Variants in LRCH3 observed in about 807,000 individuals in gnomAD.
LRCH3 encodes DISP complex protein LRCH3.
A neutral mutation model predicts 104.5 loss-of-function variants in LRCH3; 68 were observed. That is an observed-to-expected ratio of 0.65 (90% CI 0.54 to 0.80). The LOEUF is 0.80. Ranked by LOEUF, LRCH3 falls within the 30% of genes least tolerant of loss-of-function variation. The pLI, the probability that LRCH3 is intolerant of heterozygous loss-of-function variation, is 0.00. For synonymous variants in LRCH3, 344 were observed against 361.3 expected (o/e 0.95, Z 0.54); for missense variants, 951 against 953.9 (o/e 1.00, Z 0.04).
chr3:197,816,064 ATAATAT>A (rs1196051244), intron 2 of LRCH3, among the ~76,000 whole-genome samples: 2 of 152,172 alleles, frequency 1.3e-5, no homozygotes, highest in African/African-American at 4.8e-5. Flanking sequence ...CATGATAAAA[ATAATAT>A]TAGTAGAGAA....
chr3:197,868,632 G>C (rs905197796), intron 17 of LRCH3, among the ~76,000 whole-genome samples: 9 of 152,174 alleles, frequency 5.9e-5, no homozygotes, highest in African/African-American at 2.2e-4. Context: ...TGGTATATTT[G>C]TACAATGGAA....
At chr3:197,880,902 G>T (rs866867723) in intron 20 of LRCH3, 2 of 1,427,338 alleles carry the variant, frequency 1.4e-6, no homozygotes, top group Non-Finnish European at 1.8e-6. Context: ...AAACATTTAC[G>T]ATTGCTAACA....
chr3:197,863,295 C>G (rs1202622954), intron 15 of LRCH3, among the ~76,000 whole-genome samples: 1 of 152,144 alleles, frequency 6.6e-6, no homozygotes, highest in Non-Finnish European at 1.5e-5. Context: ...TGGAGTCTCA[C>G]TCTGTTGCCC....
At chr3:197,879,502 C>G (rs112960228) in intron 20 of LRCH3, among the ~76,000 whole-genome samples, 2 of 148,226 alleles carry the variant, frequency 1.3e-5, no homozygotes, top group East Asian at 3.9e-4. Context: ...AAAAATTAGC[C>G]GGGCGTGGTG....
chr3:197,880,212 T>C (rs1035514563), intron 20 of LRCH3, among the ~76,000 whole-genome samples: 6 of 152,146 alleles, frequency 3.9e-5, no homozygotes, highest in Admixed American at 2.6e-4. Flanking sequence ...CCCAAAGTGC[T>C]GGGATTACAG....
intron 9 of LRCH3, 88 bp from the exon 10 acceptor site, chr3:197,839,233 A>T: frequency 1.2e-6 from 1 of 835,914 alleles, no homozygotes; most frequent in Non-Finnish European, 1.8e-6. Flanking sequence ...GTAATATATA[A>T]ATTAAATGAC....
In LRCH3 at chr3:197,814,891, T is replaced by G. The variant is rs1169809135; in HGVS notation, c.263-17T>G. The G allele has an allele frequency of 1.9e-6, 3 of 1,572,074 alleles. No individual in the cohort carries two copies. Among genetic ancestry groups the G allele is most frequent in the Non-Finnish European group, 2.6e-6 (3 of 1,164,530 alleles). ...TTCCAAGGACTGATTTTAAACCTAA[T>G]TTAATTTTTCTTTTAGACCTGTCGC... On this transcript the variant is annotated splice_polypyrimidine_tract_variant and intron_variant, in intron 1 of 20. Coordinates refer to ENST00000425562, the MANE Select transcript of LRCH3 (RefSeq NM_001365715.1).
At chr3:197,835,319 G>A (rs1351545265) in intron 8 of LRCH3, among the ~76,000 whole-genome samples, 1 of 151,736 alleles carries the variant, frequency 6.6e-6, no homozygotes, top group African/African-American at 2.4e-5. Context: ...GAGTAGCTGG[G>A]ACTACAGGCG....
At chr3:197,871,604 A>G in intron 19 of LRCH3, 142 bp downstream of exon 19, 1 of 1,118,634 alleles carries the variant, frequency 8.9e-7, no homozygotes, top group Non-Finnish European at 1.3e-6. Context: ...TCTCACTTCT[A>G]CTCGAGAAGA....
chr3:197,800,458 A>G (rs950712820), intron 1 of LRCH3, among the ~76,000 whole-genome samples: 17 of 152,190 alleles, frequency 1.1e-4, no homozygotes, highest in Non-Finnish European at 2.4e-4. Flanking sequence ...TAATCAAGAG[A>G]TTGAAAAATA....
chr3:197,801,398 C>A (rs1022829613), intron 1 of LRCH3, among the ~76,000 whole-genome samples: 1 of 152,104 alleles, frequency 6.6e-6, no homozygotes, highest in Non-Finnish European at 1.5e-5. Context: ...GTTTCATGAC[C>A]TTGGTGGTGA....
At chr3:197,867,122 C>T (rs1049875958) in intron 17 of LRCH3, among the ~76,000 whole-genome samples, 1 of 152,064 alleles carries the variant, frequency 6.6e-6, no homozygotes, top group Admixed American at 6.5e-5. Context: ...TGAAAAAATA[C>T]AAAAATTAGC....
chr3:197,812,950 CA>C, intron 1 of LRCH3, among the ~76,000 whole-genome samples: 1 of 152,288 alleles, frequency 6.6e-6, no homozygotes, highest in South Asian at 2.1e-4. Context: ...GAGGAACTGC[CA>C]TATTCTTTTC....
chr3:197,882,945 G>A, intron 20 of LRCH3: 1 of 985,340 alleles, frequency 1.0e-6, no homozygotes. Flanking sequence ...GCCCTTCCAT[G>A]AATTATTCAA....
chr3:197,815,597 G>A (rs1400714001), intron 2 of LRCH3, among the ~76,000 whole-genome samples: 14 of 152,204 alleles, frequency 9.2e-5, no homozygotes, highest in Admixed American at 9.2e-4. Context: ...TGAGGAGCTT[G>A]CAGCAGTCTT....
chr3:197,870,242 A>G lies in LRCH3; in HGVS notation c.1956A>G (p.Arg652=), dbSNP rs1393384095. Reference sequence around the variant, plus strand: ...TAACAGGACAGAATTCAAGACAGAGAGAAGAAGAGCTGGAATTAATAGACC... The same window carrying G: ...TAACAGGACAGAATTCAAGACAGAGGGAAGAAGAGCTGGAATTAATAGACC... ...DSITGQNSRQ[R]EEELELIDQL... Residue 652 remains arginine (R), a synonymous_variant, in exon 18 of 21, where the codon AGA becomes AGG. Coordinates refer to ENST00000425562, the MANE Select transcript of LRCH3 (RefSeq NM_001365715.1). 3 of 1,613,528 alleles carry G rather than the reference A, an allele frequency of 1.9e-6. No individual in the cohort carries two copies. The Admixed American group carries it at 5.0e-5, about 27-fold the overall frequency.
intron 10 of LRCH3, among the ~76,000 whole-genome samples, chr3:197,845,341 G>C (rs904503384): frequency 2.0e-5 from 3 of 149,776 alleles, no homozygotes; most frequent in Admixed American, 6.6e-5. Context: ...CTGGGAGGTG[G>C]AGGTCTCAGC....
chr3:197,857,314 C>T (rs958879359), intron 14 of LRCH3, among the ~76,000 whole-genome samples: 11 of 150,182 alleles, frequency 7.3e-5, no homozygotes, highest in East Asian at 3.9e-4. Context: ...ACATTGTCTT[C>T]GGGCTACCCC....
At chr3:197,806,371 C>T (rs1040085208) in intron 1 of LRCH3, among the ~76,000 whole-genome samples, 8 of 152,128 alleles carry the variant, frequency 5.3e-5, no homozygotes, top group African/African-American at 1.9e-4. Context: ...AAATGATCCT[C>T]TCACCTCAGC....
Sources: gnomAD v4.1 joint callset for allele counts (sites outside exome capture counted in the v4.1 genomes callset) on GRCh38, gnomAD v4.1.1 for gene constraint, MANE v1.5 for transcripts, NCBI Gene and HGNC (gene_info 2026-07-23, HGNC 2026-07-21) for gene names.